Variants in TBC1D5 observed in about 807,000 individuals in gnomAD.
TBC1D5 encodes TBC1 domain family, member 5.
TBC1D5 carries 75 observed loss-of-function variants against 100.3 expected under a neutral mutation model. The observed-to-expected ratio is 0.75, with a 90% CI of 0.62 to 0.91. TBC1D5 has a LOEUF of 0.91. Ranked by LOEUF, TBC1D5 falls within the 40% of genes least tolerant of loss-of-function variation. The pLI, the probability that TBC1D5 is intolerant of heterozygous loss-of-function variation, is 0.00. For synonymous variants in TBC1D5, 323 were observed against 325.6 expected, an observed-to-expected ratio of 0.99 and a Z score of 0.09; for missense variants, 910 against 942.4, an observed-to-expected ratio of 0.97 and a Z score of 0.45.
intron 2 of TBC1D5, among the ~76,000 whole-genome samples, chr3:17,509,178 A>C (rs2095874896): frequency 6.6e-6 from 1 of 151,936 alleles, no homozygotes; most frequent in Non-Finnish European, 1.5e-5. Flanking sequence ...TTTAAAGAAA[A>C]AAACAATTGT....
At chr3:17,591,338 T>C (rs917994619) in intron 2 of TBC1D5, among the ~76,000 whole-genome samples, 14 of 147,212 alleles carry the variant, frequency 9.5e-5, no homozygotes, top group African/African-American at 2.7e-4. Context: ...CCAGAAACTC[T>C]TGAATGAAAG....
In TBC1D5 at chr3:17,716,358, A is replaced by ATT. The variant is rs150085050; in HGVS notation, c.-101+22983_-101+22984dup. Among the ~76,000 whole-genome samples the ATT allele has an allele frequency of 3.2e-4, 47 of 148,622 alleles. No homozygotes were observed. In the East Asian group the frequency reaches 7.1e-3, roughly 22 times the overall value. ...GTCAATCACTTATAATAAAACTGTCATTTTTTTTTTGAAATTTACTTAGTG... is the reference window on the plus strand; with the variant it reads ...GTCAATCACTTATAATAAAACTGTCATTTTTTTTTTTTGAAATTTACTTAGTG... On this transcript the variant is annotated intron_variant, in intron 1 of 21. Coordinates refer to ENST00000253692, the Ensembl canonical transcript of TBC1D5.
intron 21 of TBC1D5, 53 bp downstream of exon 22, chr3:17,166,714 T>C (rs942140244): frequency 7.0e-6 from 11 of 1,562,280 alleles, no homozygotes; most frequent in South Asian, 2.4e-5. Context: ...GAGGAACTTA[T>C]GTGAATGTGC....
intron 17 of TBC1D5, among the ~76,000 whole-genome samples, chr3:17,217,830 T>C (rs540091784): frequency 1.3e-5 from 2 of 152,188 alleles, no homozygotes; most frequent in East Asian, 3.9e-4. Flanking sequence ...ACTTTCTTAA[T>C]GGTGTCCTTG....
exon 22 of TBC1D5, chr3:17,158,941 C>T (rs1441423176): frequency 6.7e-6 from 1 of 149,424 alleles, no homozygotes; most frequent in Non-Finnish European, 1.5e-5. Context: ...ACTGAAAACA[C>T]TGACACCTTC....
At chr3:17,529,696 G>A (rs972916244) in intron 2 of TBC1D5, among the ~76,000 whole-genome samples, 1 of 151,726 alleles carries the variant, frequency 6.6e-6, no homozygotes. Flanking sequence ...GGCCAGGCTG[G>A]AGTGCAGTGG....
At chr3:17,362,352 C>A (rs532940592) in intron 13 of TBC1D5, among the ~76,000 whole-genome samples, 1 of 152,062 alleles carries the variant, frequency 6.6e-6, no homozygotes, top group Non-Finnish European at 1.5e-5. Flanking sequence ...GATTGGGGGA[C>A]AATTTGCAAA....
At chr3:17,219,013 T>C (rs1389806456) in intron 17 of TBC1D5, among the ~76,000 whole-genome samples, 1 of 151,786 alleles carries the variant, frequency 6.6e-6, no homozygotes, top group Non-Finnish European at 1.5e-5. Flanking sequence ...CTTTTCCTTC[T>C]CTCCTTCTGA....
intron 1 of TBC1D5, among the ~76,000 whole-genome samples, chr3:17,630,971 G>C (rs1366165946): frequency 7.4e-5 from 11 of 148,974 alleles, no homozygotes; most frequent in African/African-American, 2.7e-4. Flanking sequence ...GTGAACCCGG[G>C]AGGCAGACGT....
chr3:17,175,611 C>T (rs1374646716), intron 19 of TBC1D5, among the ~76,000 whole-genome samples: 1 of 152,124 alleles, frequency 6.6e-6, no homozygotes, highest in African/African-American at 2.4e-5. Flanking sequence ...ATAGCTGATG[C>T]CTTAGTCATA....
intron 2 of TBC1D5, among the ~76,000 whole-genome samples, chr3:17,550,735 C>T (rs2096465347): frequency 6.6e-6 from 1 of 152,152 alleles, no homozygotes; most frequent in South Asian, 2.1e-4. Context: ...GGCAATCTAA[C>T]TACTGTGAGT....
chr3:17,422,354 G>GTT (rs1317503738), intron 4 of TBC1D5, among the ~76,000 whole-genome samples: 1 of 143,042 alleles, frequency 7.0e-6, no homozygotes. Context: ...TTGTTTTTTT[G>GTT]TTTTTTTTTT....
intron 3 of TBC1D5, among the ~76,000 whole-genome samples, chr3:17,468,744 A>G (rs900225391): frequency 6.6e-6 from 1 of 152,206 alleles, no homozygotes; most frequent in African/African-American, 2.4e-5. Context: ...CACCAAATCA[A>G]AAACATGATT....
chr3:17,572,396 C>A (rs2096632830), intron 2 of TBC1D5, among the ~76,000 whole-genome samples: 1 of 151,868 alleles, frequency 6.6e-6, no homozygotes, highest in South Asian at 2.1e-4. Context: ...TTGCTCCAAA[C>A]TTAACCACTT....
chr3:17,524,395 C>G (rs1049461994), intron 2 of TBC1D5, among the ~76,000 whole-genome samples: 3 of 152,162 alleles, frequency 2.0e-5, no homozygotes, highest in Non-Finnish European at 4.4e-5. Flanking sequence ...ACTTTTGAAT[C>G]AACAATTCTA....
At chr3:17,346,321 C>T (rs2089869895) in intron 13 of TBC1D5, among the ~76,000 whole-genome samples, 1 of 151,996 alleles carries the variant, frequency 6.6e-6, no homozygotes, top group Admixed American at 6.6e-5. Flanking sequence ...TATGACATAC[C>T]CTTGCTTTAA....
intron 1 of TBC1D5, among the ~76,000 whole-genome samples, chr3:17,682,822 A>G (rs1255946748): frequency 6.6e-6 from 1 of 151,518 alleles, no homozygotes; most frequent in East Asian, 1.9e-4. Flanking sequence ...AGTCTTTCTA[A>G]CTTAAAAACT....
intron 13 of TBC1D5, among the ~76,000 whole-genome samples, chr3:17,336,043 G>A (rs1037215911): frequency 1.3e-5 from 2 of 152,138 alleles, no homozygotes; most frequent in Non-Finnish European, 1.5e-5. Flanking sequence ...AATGTATAAG[G>A]AATGGGGCTA....
At chr3:17,671,063 T>A (rs1560427000) in intron 1 of TBC1D5, among the ~76,000 whole-genome samples, 1 of 152,192 alleles carries the variant, frequency 6.6e-6, no homozygotes, top group Admixed American at 6.6e-5. Context: ...AATAAATAAT[T>A]TACCAACTCC....
Sources: gnomAD v4.1 joint callset for allele counts (sites outside exome capture counted in the v4.1 genomes callset) on GRCh38, gnomAD v4.1.1 for gene constraint, MANE v1.5 for transcripts, NCBI Gene and HGNC (gene_info 2026-07-23, HGNC 2026-07-21) for gene names.